Variants in ATAD2 observed in about 807,000 individuals in gnomAD.
ATAD2 encodes ATPase family AAA domain containing 2.
Under a neutral mutation model 168.9 loss-of-function variants are expected in ATAD2, and 62 were observed. That is an observed-to-expected ratio of 0.37 (90% CI 0.30 to 0.45). The LOEUF (loss-of-function observed/expected upper bound fraction) is 0.45, where lower values mean the gene tolerates loss of function less well. ATAD2 is among the 20% of genes least tolerant of loss of function. ATAD2 has a pLI of 1.00. For synonymous variants in ATAD2, 613 were observed against 571.6 expected (o/e 1.07, Z -1.03); for missense variants, 1,419 against 1,667.8 (o/e 0.85, Z 2.60).
chr8:123,411,402 TCC>T (rs1217401621), intron 1 of ATAD2, among the ~76,000 whole-genome samples: 1 of 151,978 alleles, frequency 6.6e-6, no homozygotes, highest in Non-Finnish European at 1.5e-5. Flanking sequence ...TCGGCGAACC[TCC>T]CCAACAGCAC....
intron 24 of ATAD2, among the ~76,000 whole-genome samples, chr8:123,331,625 A>G (rs995343838): frequency 1.3e-5 from 2 of 152,186 alleles, no homozygotes; most frequent in Non-Finnish European, 2.9e-5. Flanking sequence ...ACCTCAATCT[A>G]TGTTACATAA....
At chr8:123,358,326 G>T (rs1253797891) in intron 11 of ATAD2, among the ~76,000 whole-genome samples, 1 of 152,054 alleles carries the variant, frequency 6.6e-6, no homozygotes, top group Non-Finnish European at 1.5e-5. Context: ...AATCACAGGT[G>T]TGAGCCACCA....
chr8:123,321,771 CA>C (rs1471439678), intron 27 of ATAD2, among the ~76,000 whole-genome samples: 1 of 151,894 alleles, frequency 6.6e-6, no homozygotes, highest in Non-Finnish European at 1.5e-5. Context: ...TCCATCTCTA[CA>C]AAAAATTTAA....
At chr8:123,390,918 G>A (rs1313325137) in intron 1 of ATAD2, among the ~76,000 whole-genome samples, 1 of 152,154 alleles carries the variant, frequency 6.6e-6, no homozygotes. Flanking sequence ...TACTCCGGAG[G>A]CTGAGGCAGG....
chr8:123,403,266 T>C (rs1813030087), intron 1 of ATAD2, among the ~76,000 whole-genome samples: 1 of 151,528 alleles, frequency 6.6e-6, no homozygotes, highest in Non-Finnish European at 1.5e-5. Context: ...TCCCAGCTAA[T>C]TTTTTGTATT....
chr8:123,378,522 C>A (rs967502351), intron 2 of ATAD2, among the ~76,000 whole-genome samples: 1 of 151,512 alleles, frequency 6.6e-6, no homozygotes, highest in Non-Finnish European at 1.5e-5. Context: ...GCCAACATGG[C>A]GAAACCCCAT....
At chr8:123,374,402 G>C (rs1003402590) in intron 2 of ATAD2, among the ~76,000 whole-genome samples, 3 of 152,154 alleles carry the variant, frequency 2.0e-5, no homozygotes, top group Non-Finnish European at 4.4e-5. Context: ...TACAGGTAAA[G>C]GCTTAGTTTC....
upstream of ATAD2, among the ~76,000 whole-genome samples, chr8:123,399,976 C>T (rs981079956): frequency 4.6e-5 from 7 of 151,968 alleles, no homozygotes; most frequent in African/African-American, 1.7e-4. Flanking sequence ...CTAGCCTGGC[C>T]AACATGGCAA....
intron 26 of ATAD2, among the ~76,000 whole-genome samples, chr8:123,325,663 C>T (rs961677291): frequency 3.9e-5 from 6 of 152,056 alleles, no homozygotes; most frequent in African/African-American, 1.2e-4. Context: ...TCAGGTGATC[C>T]GCCCACCTCA....
chr8:123,396,379 G>C lies in ATAD2; in HGVS notation c.-22C>G, dbSNP rs770231881. ...CCATCTTCTCTCCCTACTGGCCTCG[G>C]CGTGCGCGACCGGAGAGAGATCCAG... On this transcript the variant is annotated 5_prime_UTR_variant, in exon 1 of 28. Transcript: ENST00000287394. The C allele has an allele frequency of 3.2e-6, 5 of 1,547,624 alleles. 1 individual carries two copies. In the Admixed American group the frequency reaches 7.3e-5, roughly 23 times the overall value.
chr8:123,399,516 TAC>T (rs1225440562), upstream of ATAD2, among the ~76,000 whole-genome samples: 1 of 152,114 alleles, frequency 6.6e-6, no homozygotes, highest in Non-Finnish European at 1.5e-5. Flanking sequence ...GGTCATGTGA[TAC>T]AGAGTGGTTG....
In ATAD2 at chr8:123,396,372, G is replaced by A; in HGVS notation, c.-15C>T. The A allele has an allele frequency of 3.9e-6, 6 of 1,557,088 alleles. No homozygotes were observed. Among genetic ancestry groups the A allele is most frequent in the South Asian group, 1.1e-5 (1 of 87,730 alleles). ...AGAACCACCATCTTCTCTCCCTACTGGCCTCGGCGTGCGCGACCGGAGAGA... is the reference window on the plus strand; with the variant it reads ...AGAACCACCATCTTCTCTCCCTACTAGCCTCGGCGTGCGCGACCGGAGAGA... On this transcript the variant is annotated 5_prime_UTR_variant, in exon 1 of 28. Transcript: ENST00000287394.
chr8:123,344,043 G>A (rs1302389339), intron 19 of ATAD2, among the ~76,000 whole-genome samples: 1 of 152,116 alleles, frequency 6.6e-6, no homozygotes, highest in East Asian at 1.9e-4. Flanking sequence ...AATACTCTTT[G>A]ATTCAGCTAC....
chr8:123,386,647 A>G (rs1025183311), intron 1 of ATAD2, among the ~76,000 whole-genome samples: 2 of 152,158 alleles, frequency 1.3e-5, no homozygotes, highest in South Asian at 4.1e-4. Context: ...AAAAACGGTT[A>G]AAACGGTCAA....
At chr8:123,397,900 G>T (rs1177855743), upstream of ATAD2, among the ~76,000 whole-genome samples, 14 of 152,180 alleles carry the variant, frequency 9.2e-5, no homozygotes. Context: ...GGTTCTGGAA[G>T]AAGAGAGAGG....
At chr8:123,362,974 A>G (rs889144874) in intron 8 of ATAD2, among the ~76,000 whole-genome samples, 1 of 152,230 alleles carries the variant, frequency 6.6e-6, no homozygotes, top group Admixed American at 6.5e-5. Flanking sequence ...ATTAAATAAG[A>G]TGCCAGATAT....
At chr8:123,323,689 T>C (rs896767721) in intron 26 of ATAD2, among the ~76,000 whole-genome samples, 58 of 152,270 alleles carry the variant, frequency 3.8e-4, no homozygotes, top group African/African-American at 1.3e-3. Context: ...ATAAAAACAA[T>C]GTATGGGACC....
At chr8:123,370,846 CT>C (rs1563855433) in intron 6 of ATAD2, 56 bp downstream of exon 6, 2 of 1,330,210 alleles carry the variant, frequency 1.5e-6, no homozygotes, top group Non-Finnish European at 2.1e-6. Context: ...CTATTTTCTA[CT>C]AAATAAAAAG....
intron 20 of ATAD2, among the ~76,000 whole-genome samples, chr8:123,338,968 G>C (rs547949758): frequency 6.6e-6 from 1 of 152,230 alleles, no homozygotes; most frequent in African/African-American, 2.4e-5. Context: ...ACTGATGAGA[G>C]AGCAAGCATT....
Sources: gnomAD v4.1 joint callset for allele counts (sites outside exome capture counted in the v4.1 genomes callset) on GRCh38, gnomAD v4.1.1 for gene constraint, MANE v1.5 for transcripts, NCBI Gene and HGNC (gene_info 2026-07-23, HGNC 2026-07-21) for gene names.